The following PPM1L variants were observed in gnomAD, a reference collection of about 807,000 sequenced individuals.
PPM1L encodes protein phosphatase 1L.
In PPM1L, 13 loss-of-function variants were observed where a neutral mutation model predicts 31.4. That is an observed-to-expected ratio of 0.41 (90% confidence interval 0.27 to 0.66). PPM1L has a LOEUF of 0.66. Ranked by LOEUF, PPM1L falls within the 30% of genes least tolerant of loss-of-function variation. The probability of loss-of-function intolerance (pLI) is 0.29; values close to 1 mark genes in which losing one functional copy is unlikely to be tolerated. For missense variants in PPM1L, 326 were observed against 453.7 expected (o/e 0.72, Z 2.56); for synonymous variants, 184 against 175.4 (o/e 1.05, Z -0.39).
chr3:160,862,662 G>GCACACACACA lies in PPM1L; in HGVS notation c.400-99041_400-99032dup, dbSNP rs6148164. On this transcript the variant is annotated intron_variant, in intron 1 of 3. Transcript: ENST00000498165. ...TCTCCATTCCTAATCCTAGGCACAC[G>GCACACACACA]CACACACACACACACACACACACAC... 3.2e-3 allele frequency among the ~76,000 whole-genome samples: 412 copies of GCACACACACA among 127,176 alleles called. 5 individuals carry two copies. The highest frequency in any genetic ancestry group is 6.5e-3 in the South Asian group (25 of 3,868). 83.4% of individuals were successfully genotyped at this position (127,176 alleles called of 152,430 possible). A position where few individuals can be genotyped will look rare whatever the true frequency, so the allele number is the denominator to read the frequency against.
chr3:161,073,253 G>C lies in PPM1L; in HGVS notation c.*4096G>C, dbSNP rs1719990943. On this transcript the variant is annotated 3_prime_UTR_variant, in exon 4 of 4. Coordinates refer to ENST00000498165, the MANE Select transcript of PPM1L (RefSeq NM_139245.4). ...GAGAAAAACACAACAAATATCTACT[G>C]TCAGTTAGCCCAGTGTTTTCCAGAT... 1 of 152,150 alleles carries C rather than the reference G, an allele frequency of 6.6e-6. No homozygotes were observed. Among genetic ancestry groups the C allele is most frequent in the South Asian group, 2.1e-4 (1 of 4,828 alleles). The allele number at this position is 152,150 out of a possible 1,614,324, so 9.4% of individuals were successfully genotyped here. A position where few individuals can be genotyped will look rare whatever the true frequency, so the allele number is the denominator to read the frequency against.
At chr3:161,033,875 CA>C (rs1451976237) in intron 2 of PPM1L, among the ~76,000 whole-genome samples, 2 of 152,110 alleles carry the variant, frequency 1.3e-5, no homozygotes, top group Non-Finnish European at 2.9e-5. Flanking sequence ...TTCTGCACAG[CA>C]AAAGGAACTA....
intron 1 of PPM1L, among the ~76,000 whole-genome samples, chr3:160,799,449 A>G (rs1712358431): frequency 6.6e-6 from 1 of 152,248 alleles, no homozygotes; most frequent in Non-Finnish European, 1.5e-5. Context: ...TCAGCATTTT[A>G]AAAGCAATAA....
At chr3:160,999,589 G>A (rs1717419914) in intron 2 of PPM1L, among the ~76,000 whole-genome samples, 1 of 152,196 alleles carries the variant, frequency 6.6e-6, no homozygotes, top group Non-Finnish European at 1.5e-5. Context: ...AGTTACTGCT[G>A]TCAGGCGTAA....
At chr3:160,801,869 T>A (rs1712437110) in intron 1 of PPM1L, among the ~76,000 whole-genome samples, 1 of 152,220 alleles carries the variant, frequency 6.6e-6, no homozygotes, top group African/African-American at 2.4e-5. Context: ...GTTTCATACA[T>A]AGTTTGAACT....
chr3:160,814,180 T>C (rs1712895552), intron 1 of PPM1L, among the ~76,000 whole-genome samples: 1 of 152,174 alleles, frequency 6.6e-6, no homozygotes, highest in Admixed American at 6.5e-5. Flanking sequence ...TCTCATTTCA[T>C]TGCCTTCCCC....
At chr3:160,836,099 C>A (rs553720022) in intron 1 of PPM1L, among the ~76,000 whole-genome samples, 1 of 152,080 alleles carries the variant, frequency 6.6e-6, no homozygotes, top group African/African-American at 2.4e-5. Context: ...TAGGCTCTAA[C>A]TATGACAGAT....
chr3:160,818,093 A>G (rs1713051752), intron 1 of PPM1L, among the ~76,000 whole-genome samples: 1 of 152,046 alleles, frequency 6.6e-6, no homozygotes, highest in Admixed American at 6.6e-5. Context: ...TAGTCAGGGA[A>G]GCTCAAAAAG....
At position 160,925,927 on chromosome 3, in the gene PPM1L, A is replaced by G. The variant is rs577258312; in HGVS notation, c.400-35809A>G. 2.6e-4 allele frequency among the ~76,000 whole-genome samples: 40 copies of G among 152,312 alleles called. No individual in the cohort carries two copies. The South Asian group carries it at 4.1e-3, about 16-fold the overall frequency. ...CTTGAGAGAGGTGATGGTGGTGGAT[A>G]TTCTAGCTGTAGTATAAGCTAATCT... On this transcript the variant is annotated intron_variant, in intron 1 of 3. Coordinates refer to ENST00000498165, the MANE Select transcript of PPM1L (RefSeq NM_139245.4).
intron 2 of PPM1L, among the ~76,000 whole-genome samples, chr3:160,991,542 C>T (rs889587442): frequency 6.6e-6 from 1 of 152,140 alleles, no homozygotes; most frequent in African/African-American, 2.4e-5. Context: ...AGTTATACCT[C>T]AGGCAATTAT....
chr3:161,004,977 T>G (rs1267327945), intron 2 of PPM1L, among the ~76,000 whole-genome samples: 1 of 152,194 alleles, frequency 6.6e-6, no homozygotes, highest in Non-Finnish European at 1.5e-5. Flanking sequence ...TGTGGGCATT[T>G]AGTGCTATAA....
intron 2 of PPM1L, among the ~76,000 whole-genome samples, chr3:160,979,430 T>C (rs1368424713): frequency 6.6e-6 from 1 of 151,948 alleles, no homozygotes; most frequent in Non-Finnish European, 1.5e-5. Flanking sequence ...CTCTAGGATA[T>C]GGGAAGAAAC....
At chr3:161,030,801 A>G (rs1042832160) in intron 2 of PPM1L, among the ~76,000 whole-genome samples, 2 of 152,202 alleles carry the variant, frequency 1.3e-5, no homozygotes, top group African/African-American at 4.8e-5. Context: ...TAATGTGCCT[A>G]CTACATTCTA....
chr3:161,052,124 G>T (rs925766377), intron 2 of PPM1L, among the ~76,000 whole-genome samples: 1 of 152,198 alleles, frequency 6.6e-6, no homozygotes, highest in African/African-American at 2.4e-5. Flanking sequence ...AGTTTTCTCT[G>T]CTTCACACCA....
chr3:160,964,860 T>C (rs1716084168), intron 2 of PPM1L, among the ~76,000 whole-genome samples: 1 of 151,928 alleles, frequency 6.6e-6, no homozygotes, highest in Admixed American at 6.6e-5. Context: ...CCATAACCCA[T>C]ACGTTAATTA....
chr3:160,983,373 A>G (rs569310397), intron 2 of PPM1L, among the ~76,000 whole-genome samples: 1 of 152,210 alleles, frequency 6.6e-6, no homozygotes, highest in African/African-American at 2.4e-5. Context: ...CACAGCCACT[A>G]AAGAAAATGA....
chr3:160,977,481 C>A (rs1716633197), intron 2 of PPM1L, among the ~76,000 whole-genome samples: 1 of 152,172 alleles, frequency 6.6e-6, no homozygotes, highest in South Asian at 2.1e-4. Context: ...ACTTCTGTAT[C>A]TATGAATCTA....
chr3:160,925,797 C>G (rs1559889895), intron 1 of PPM1L, among the ~76,000 whole-genome samples: 2 of 152,110 alleles, frequency 1.3e-5, no homozygotes, highest in Admixed American at 1.3e-4. Flanking sequence ...TAGTCCAGAG[C>G]TGAAGAACTA....
At chr3:160,812,834 G>A (rs747912185) in intron 1 of PPM1L, among the ~76,000 whole-genome samples, 4 of 152,180 alleles carry the variant, frequency 2.6e-5, no homozygotes, top group Non-Finnish European at 4.4e-5. Context: ...GTTCTACACC[G>A]CTAGTACATG....
Sources: allele counts gnomAD v4.1 joint callset (sites outside exome capture counted in the v4.1 genomes callset), GRCh38; gene constraint gnomAD v4.1.1; transcripts MANE v1.5; gene names NCBI Gene and HGNC (gene_info 2026-07-23, HGNC 2026-07-21).